Variants in DSCAM observed in about 807,000 individuals in gnomAD.
DSCAM encodes the protein DS cell adhesion molecule.
DSCAM carries 47 observed loss-of-function variants against 217.7 expected under a neutral mutation model. That is an observed-to-expected ratio of 0.22 (90% CI 0.17 to 0.28). DSCAM has a LOEUF of 0.28. Among genes scored for constraint, DSCAM ranks in the 10% least tolerant of loss-of-function variants. DSCAM has a pLI of 1.00. For missense variants in DSCAM, 2,080 were observed against 2,618.3 expected (o/e 0.79, Z 4.49); for synonymous variants, 1,056 against 1,015.3 (o/e 1.04, Z -0.76).
intron 10 of DSCAM, among the ~76,000 whole-genome samples, chr21:40,288,565 A>T (rs1467522336): frequency 1.3e-5 from 2 of 152,224 alleles, no homozygotes; most frequent in Admixed American, 6.5e-5. Context: ...ATGGTGCTGA[A>T]CAGGCAATTG....
intron 3 of DSCAM, among the ~76,000 whole-genome samples, chr21:40,611,436 A>G (rs1274068926): frequency 6.6e-6 from 1 of 152,290 alleles, no homozygotes; most frequent in East Asian, 1.9e-4. Flanking sequence ...TTCATATGAA[A>G]TATCAATGAG....
chr21:40,367,991 CTGAGAGATACATTTAAA>C lies in DSCAM; in HGVS notation c.655+1091_655+1107del. 2.6e-5 allele frequency among the ~76,000 whole-genome samples: 4 copies of C among 152,148 alleles called. No homozygotes were observed. The East Asian group carries it at 7.7e-4, about 29-fold the overall frequency. ...GGAAAGTAAACTTGCCTTTCCAACC[CTGAGAGATACATTTAAA>C]AATCAACACTTGATGATTCAGCATG... On this transcript the variant is annotated intron_variant, in intron 4 of 32. Transcript: ENST00000400454.
In DSCAM at chr21:40,828,174, G is replaced by A. The variant is rs367730206; in HGVS notation, c.43+18445C>T. On this transcript the variant is annotated intron_variant, in intron 1 of 32. Coordinates refer to ENST00000400454, the MANE Select transcript of DSCAM (RefSeq NM_001389.5). ...TTGCAGCACTTTGGGAGGCTGAGGC[G>A]GGGGGACTGTTTGAGCCCAGGAGTT... Among the ~76,000 whole-genome samples the A allele has an allele frequency of 4.8e-4, 73 of 152,198 alleles. 1 individual carries two copies. The highest frequency in any genetic ancestry group is 2.0e-3 in the Admixed American group (30 of 15,284).
intron 3 of DSCAM, among the ~76,000 whole-genome samples, chr21:40,407,508 G>C (rs1406440137): frequency 2.0e-5 from 3 of 152,184 alleles, no homozygotes; most frequent in African/African-American, 7.2e-5. Context: ...CCCTTTGGAG[G>C]TCTTTCAAGC....
intron 1 of DSCAM, among the ~76,000 whole-genome samples, chr21:40,722,734 T>C (rs1382059921): frequency 6.6e-6 from 1 of 152,022 alleles, no homozygotes; most frequent in East Asian, 1.9e-4. Context: ...AAGTAAAACA[T>C]TGTCAGATTG....
chr21:40,718,487 T>C (rs539389392), intron 1 of DSCAM, among the ~76,000 whole-genome samples: 3 of 152,310 alleles, frequency 2.0e-5, no homozygotes, highest in East Asian at 3.9e-4. Flanking sequence ...ACGTCTTACA[T>C]GGTTGGCAGC....
intron 8 of DSCAM, among the ~76,000 whole-genome samples, chr21:40,319,793 A>T (rs1458149968): frequency 1.3e-5 from 2 of 152,164 alleles, no homozygotes; most frequent in East Asian, 3.9e-4. Flanking sequence ...TGCAGGCCAA[A>T]TTTCACAATT....
intron 16 of DSCAM, among the ~76,000 whole-genome samples, chr21:40,154,831 C>T (rs2090459596): frequency 6.6e-6 from 1 of 152,198 alleles, no homozygotes; most frequent in Non-Finnish European, 1.5e-5. Context: ...TTGAAATAGG[C>T]ACTGTCTTGA....
rs551457933 is a variant in DSCAM at position 40,818,394 on chromosome 21, A to G, written c.43+28225T>C. Among the ~76,000 whole-genome samples the G allele has an allele frequency of 2.4e-3, 361 of 151,082 alleles. 2 individuals carry two copies. Among genetic ancestry groups the G allele is most frequent in the African/African-American group, 8.3e-3 (341 of 41,220 alleles). The stretch of plus-strand genomic sequence containing the variant: ...ACCCCATGTGTACTAAAAATACAAA[A>G]AATTAGCTGGGTGTGGTGGCGGGCG... On this transcript the variant is annotated intron_variant, in intron 1 of 32. Transcript: ENST00000400454.
At chr21:40,268,664 T>G (rs2073573394) in intron 11 of DSCAM, among the ~76,000 whole-genome samples, 1 of 152,072 alleles carries the variant, frequency 6.6e-6, no homozygotes, top group South Asian at 2.1e-4. Context: ...CCAGTAATTT[T>G]TCGAAAGGCT....
intron 3 of DSCAM, among the ~76,000 whole-genome samples, chr21:40,397,360 T>C (rs2075188747): frequency 6.6e-6 from 1 of 151,958 alleles, no homozygotes; most frequent in East Asian, 1.9e-4. Flanking sequence ...ACACGAGATC[T>C]TGTCATTTAA....
intron 8 of DSCAM, among the ~76,000 whole-genome samples, chr21:40,329,869 G>T (rs2074358060): frequency 6.6e-6 from 1 of 151,988 alleles, no homozygotes; most frequent in African/African-American, 2.4e-5. Flanking sequence ...AAGGAGAATG[G>T]TGGTTCCCAA....
intron 9 of DSCAM, among the ~76,000 whole-genome samples, chr21:40,300,261 C>T (rs1191136595): frequency 6.6e-6 from 1 of 152,178 alleles, no homozygotes; most frequent in African/African-American, 2.4e-5. Flanking sequence ...AAAATGGTAC[C>T]TGTTCCTGTT....
At chr21:40,808,500 GTC>G (rs1333855927) in intron 1 of DSCAM, among the ~76,000 whole-genome samples, 1 of 139,964 alleles carries the variant, frequency 7.1e-6, no homozygotes, top group African/African-American at 2.6e-5. Flanking sequence ...TTGAGACATA[GTC>G]TCTCTCTGTG....
At chr21:40,482,450 TTTTTTA>T (rs1373763124) in intron 3 of DSCAM, among the ~76,000 whole-genome samples, 13 of 152,314 alleles carry the variant, frequency 8.5e-5, no homozygotes, top group African/African-American at 3.1e-4. Context: ...TAGACTCAAC[TTTTTTA>T]TTTTTATTTT....
chr21:40,702,583 C>T (rs1325640023), intron 2 of DSCAM, among the ~76,000 whole-genome samples: 2 of 152,100 alleles, frequency 1.3e-5, no homozygotes, highest in Non-Finnish European at 2.9e-5. Context: ...CTGGCAATTT[C>T]TGCCTTATAA....
chr21:40,208,972 T>G (rs370160588), intron 11 of DSCAM, among the ~76,000 whole-genome samples: 13 of 152,344 alleles, frequency 8.5e-5, no homozygotes, highest in African/African-American at 2.4e-4. Context: ...GCTATTGTGA[T>G]TTCTTTTCAG....
chr21:40,612,498 G>A (rs980466728), intron 3 of DSCAM, among the ~76,000 whole-genome samples: 1 of 152,170 alleles, frequency 6.6e-6, no homozygotes, highest in Non-Finnish European at 1.5e-5. Context: ...AAATCCCCAA[G>A]TCAGATTTGC....
chr21:40,699,057 G>T (rs1348166406), intron 2 of DSCAM, among the ~76,000 whole-genome samples: 1 of 152,022 alleles, frequency 6.6e-6, no homozygotes, highest in Non-Finnish European at 1.5e-5. Context: ...AACTCTATCA[G>T]CACCATTTTT....
Sources: gnomAD v4.1 joint callset for allele counts (sites outside exome capture counted in the v4.1 genomes callset) on GRCh38, gnomAD v4.1.1 for gene constraint, MANE v1.5 for transcripts, NCBI Gene and HGNC (gene_info 2026-07-23, HGNC 2026-07-21) for gene names.